WASHC4: variants seen among roughly 807,000 people sequenced by gnomAD.
WASHC4 encodes the protein WASH complex subunit 7.
WASHC4 carries 86 observed loss-of-function variants against 166.6 expected under a neutral mutation model. That is an observed-to-expected ratio of 0.52 (90% CI 0.43 to 0.62). WASHC4 has a LOEUF of 0.62. Among genes scored for constraint, WASHC4 ranks in the 20% least tolerant of loss-of-function variants. The pLI is 0.00. For missense variants in WASHC4, 1,262 were observed against 1,382.4 expected, an observed-to-expected ratio of 0.91 and a Z score of 1.38; for synonymous variants, 446 against 451.6, an observed-to-expected ratio of 0.99 and a Z score of 0.16.
chr12:105,127,076 T>A (rs1005366288), intron 12 of WASHC4, 53 bp from the exon 13 acceptor site: 80 of 1,491,724 alleles, frequency 5.4e-5, no homozygotes, highest in Non-Finnish European at 7.0e-5. Context: ...TTAAACAGCT[T>A]GTTGTTTAGC....
At chr12:105,112,201 C>T (rs139301450) in intron 2 of WASHC4, among the ~76,000 whole-genome samples, 4 of 152,252 alleles carry the variant, frequency 2.6e-5, no homozygotes, top group African/African-American at 9.6e-5. Flanking sequence ...TTTCAAGGCT[C>T]ATCTATGTTG....
chr12:105,123,616 A>C (rs1880994118), intron 10 of WASHC4, among the ~76,000 whole-genome samples: 1 of 152,222 alleles, frequency 6.6e-6, no homozygotes, highest in South Asian at 2.1e-4. Flanking sequence ...ATTTGAACCT[A>C]GCACAGGTTG....
At chr12:105,165,336 G>A (rs1046701125) in intron 32 of WASHC4, among the ~76,000 whole-genome samples, 5 of 152,178 alleles carry the variant, frequency 3.3e-5, no homozygotes, top group African/African-American at 7.2e-5. Flanking sequence ...TTTTTAAGGC[G>A]TAAGAGCATT....
At chr12:105,110,588 T>A (rs1879586262) in intron 1 of WASHC4, among the ~76,000 whole-genome samples, 1 of 152,240 alleles carries the variant, frequency 6.6e-6, no homozygotes, top group African/African-American at 2.4e-5. Context: ...ATATCTTGGT[T>A]AAATTTTAGA....
rs545501324 is a variant in WASHC4, at chr12:105,126,527, C to T, written c.1038+165C>T. Among the ~76,000 whole-genome samples the T allele has an allele frequency of 1.4e-4, 21 of 151,954 alleles. No individual in the cohort carries two copies. In the South Asian group the frequency reaches 1.9e-3, roughly 14 times the overall value. On this transcript the variant is annotated intron_variant, in intron 12 of 32. Transcript: ENST00000332180. ...ATAAGTAACTTAGTGAATGAAAATA[C>T]GTCGTATTTCTACATCATATTACTA... is the stretch of plus-strand genomic sequence containing the variant.
Position 105,111,282 on chromosome 12 carries a change from A to T in WASHC4, c.201+18A>T, listed in dbSNP as rs764330483. The T allele has an allele frequency of 1.3e-6, 2 of 1,524,730 alleles. No individual in the cohort carries two copies. Among genetic ancestry groups the T allele is most frequent in the Non-Finnish European group, 9.0e-7 (1 of 1,105,156 alleles). 94.5% of individuals were successfully genotyped at this position (1,524,730 alleles called of 1,614,324 possible). A position where few individuals can be genotyped will look rare whatever the true frequency, so the allele number is the denominator to read the frequency against. ...CATTAAAGGTTTGATTTGATTTTTTAAAAATATATGTATATATTTTCTGGA... is the reference window on the plus strand; with the variant it reads ...CATTAAAGGTTTGATTTGATTTTTTTAAAATATATGTATATATTTTCTGGA... On this transcript the variant is annotated intron_variant, in intron 2 of 32. Coordinates refer to ENST00000332180, the MANE Select transcript of WASHC4 (RefSeq NM_015275.3).
rs1252746601 is a variant in WASHC4, at chr12:105,142,334, A to G, written c.1788-119A>G. The G allele has an allele frequency of 5.7e-6, 4 of 703,868 alleles. No homozygotes were observed. In the African/African-American group the frequency reaches 7.0e-5, roughly 12 times the overall value. The allele number at this position is 703,868 out of a possible 1,614,324, so 43.6% of individuals were successfully genotyped here. A position where few individuals can be genotyped will look rare whatever the true frequency, so the allele number is the denominator to read the frequency against. On this transcript the variant is annotated intron_variant, in intron 18 of 32. Transcript: ENST00000332180. The stretch of plus-strand genomic sequence containing the variant: ...TTTCTATACTATGTTGGGTTAAGTG[A>G]TGTAGGGAATGCGAACTGTGTAAGA...
At chr12:105,156,680 T>C (rs1592916231) in intron 26 of WASHC4, 46 bp from the exon 27 acceptor site, 1 of 1,448,630 alleles carries the variant, frequency 6.9e-7, no homozygotes, top group Non-Finnish European at 9.7e-7. Context: ...TATTAGAATT[T>C]AGAGTTATTT....
At chr12:105,142,399 A>G in intron 18 of WASHC4, 54 bp from the exon 19 acceptor site, 2 of 1,006,410 alleles carry the variant, frequency 2.0e-6, no homozygotes, top group Admixed American at 3.4e-5. Context: ...TTCCTTTCAT[A>G]TTGTTTTGGG....
intron 24 of WASHC4, chr12:105,147,709 C>G (rs900035679): frequency 3.3e-5 from 14 of 426,746 alleles, no homozygotes; most frequent in African/African-American, 3.0e-4. Context: ...AGTTCAAGAC[C>G]AGCCTGACCA....
Position 105,117,629 on chromosome 12 carries a change from G to A in WASHC4, c.436-817G>A, listed in dbSNP as rs11112377. ...GATCTCACAGCTGCATAAAAATTCC[G>A]TTTTTAAACATTCAACAAATATGTT... On this transcript the variant is annotated intron_variant, in intron 6 of 32. Transcript: ENST00000332180. Among the ~76,000 whole-genome samples, 804 of 152,068 alleles carry A rather than the reference G, an allele frequency of 5.3e-3. 10 individuals carry two copies. The highest frequency in any genetic ancestry group is 0.018 in the African/African-American group (761 of 41,464).
chr12:105,164,234 A>G lies in WASHC4; in HGVS notation c.3281A>G (p.Gln1094Arg). 1 of 1,614,134 alleles carries G rather than the reference A, an allele frequency of 6.2e-7. No homozygotes were observed. Among genetic ancestry groups the G allele is most frequent in the Non-Finnish European group, 8.5e-7 (1 of 1,179,984 alleles). The change falls in exon 31 of 33, where the codon CAG becomes CGG. Residue 1094 changes from glutamine to arginine, a missense_variant. Gln to Arg is a conservative substitution (Grantham distance 43). Transcript: ENST00000332180. ...IRAVAKQQNVQSASQDEKLLQ... is the reference protein window; with the variant it reads ...IRAVAKQQNVRSASQDEKLLQ... ...GCAGTTGCTAAGCAACAGAATGTAC[A>G]GTCAGCCAGTCAAGATGAAAAACTC...
Position 105,144,712 on chromosome 12 carries a change from TG to T in WASHC4, c.2180-4del. On this transcript the variant is annotated splice_polypyrimidine_tract_variant and splice_region_variant and intron_variant, in intron 21 of 32. Transcript: ENST00000332180. The stretch of plus-strand genomic sequence containing the variant: ...TTTCACAAGTTGAATTTTTTTTTTT[TG>T]GTAGCTTACGTAACTCACTACCTAG... The T allele has an allele frequency of 3.1e-6, 5 of 1,608,662 alleles. No homozygotes were observed. Among genetic ancestry groups the T allele is most frequent in the Admixed American group, 1.7e-5 (1 of 59,656 alleles).
At chr12:105,133,075 C>T (rs1319271706) in intron 13 of WASHC4, among the ~76,000 whole-genome samples, 1 of 152,132 alleles carries the variant, frequency 6.6e-6, no homozygotes, top group African/African-American at 2.4e-5. Flanking sequence ...CTCAGATCCT[C>T]TAGTGGCTTT....
chr12:105,107,919 C>G, intron 1 of WASHC4, 58 bp downstream of exon 1: 2 of 1,299,754 alleles, frequency 1.5e-6, no homozygotes, highest in South Asian at 1.3e-5. Context: ...CGCCGCTGTT[C>G]TGGGCTGGGC....
Position 105,140,386 on chromosome 12 carries a change from T to C in WASHC4, c.1545T>C (p.Ser515=). The change falls in exon 16 of 33, where the codon TCT becomes TCC. Residue 515 remains serine (S), a synonymous_variant. Transcript: ENST00000332180. ...TQHLQHQALH[S]ISVAKKRVIS... ...ACCTTCAACATCAGGCTCTTCATTC[T>C]ATTTCTGTGGCCAAGGTATGCAGCT... The C allele has an allele frequency of 6.2e-7, 1 of 1,611,294 alleles. No individual in the cohort carries two copies. Among genetic ancestry groups the C allele is most frequent in the Non-Finnish European group, 8.5e-7 (1 of 1,177,380 alleles).
intron 25 of WASHC4, among the ~76,000 whole-genome samples, chr12:105,151,002 T>G (rs1400737209): frequency 6.7e-6 from 1 of 149,556 alleles, no homozygotes; most frequent in East Asian, 2.0e-4. Flanking sequence ...GGAACTATAA[T>G]TCAAGATGAG....
chr12:105,158,392 C>A (rs1365032364), intron 28 of WASHC4, among the ~76,000 whole-genome samples: 2 of 152,280 alleles, frequency 1.3e-5, no homozygotes, highest in African/African-American at 4.8e-5. Context: ...AGTAATGGAG[C>A]AGACAGATGT....
At chr12:105,147,246 T>C in intron 24 of WASHC4, 100 bp downstream of exon 24, 1 of 745,890 alleles carries the variant, frequency 1.3e-6, no homozygotes, top group Non-Finnish European at 2.4e-6. Flanking sequence ...ACACTACTAG[T>C]TTATATTTTA....
Sources: allele counts gnomAD v4.1 joint callset (sites outside exome capture counted in the v4.1 genomes callset), GRCh38; gene constraint gnomAD v4.1.1; transcripts MANE v1.5; gene names NCBI Gene and HGNC (gene_info 2026-07-23, HGNC 2026-07-21).